The following ABCC4 variants were observed in gnomAD, a reference collection of about 807,000 sequenced individuals.
The protein encoded by ABCC4 is ATP-binding cassette sub-family C member 4.
A neutral mutation model predicts 168.5 loss-of-function variants in ABCC4; 102 were observed. The observed-to-expected ratio is 0.61, with a 90% CI of 0.52 to 0.71. ABCC4 has a LOEUF of 0.71. Among genes scored for constraint, ABCC4 ranks in the 30% least tolerant of loss-of-function variants. ABCC4 has a pLI of 0.00. For synonymous variants in ABCC4, 617 were observed against 590.7 expected (o/e 1.04, Z -0.65); for missense variants, 1,402 against 1,605.8 (o/e 0.87, Z 2.17).
intron 19 of ABCC4, among the ~76,000 whole-genome samples, chr13:95,132,984 G>C: frequency 6.6e-6 from 1 of 152,016 alleles, no homozygotes. Context: ...AAGTTCAGGA[G>C]ATGGAGGATG....
chr13:95,270,982 C>A (rs1255292555), intron 1 of ABCC4, among the ~76,000 whole-genome samples: 2 of 152,136 alleles, frequency 1.3e-5, no homozygotes, highest in African/African-American at 4.8e-5. Flanking sequence ...GTAGTCCCAG[C>A]TACTCGGGAG....
intron 8 of ABCC4, among the ~76,000 whole-genome samples, chr13:95,201,882 A>G (rs2038637290): frequency 6.6e-6 from 1 of 152,174 alleles, no homozygotes; most frequent in South Asian, 2.1e-4. Context: ...CTGAGGCAGG[A>G]GAATTGCTTG....
intron 19 of ABCC4, among the ~76,000 whole-genome samples, chr13:95,132,876 A>G (rs1375986031): frequency 6.6e-6 from 1 of 152,082 alleles, no homozygotes; most frequent in Non-Finnish European, 1.5e-5. Context: ...TCAAACTCAG[A>G]GACAGAAAGT....
At chr13:95,217,424 A>G (rs1004863532) in intron 4 of ABCC4, among the ~76,000 whole-genome samples, 1 of 152,016 alleles carries the variant, frequency 6.6e-6, no homozygotes, top group Non-Finnish European at 1.5e-5. Context: ...CCCCCTCTCT[A>G]ATAGTCCTTT....
chr13:95,275,923 T>C (rs1022814924), intron 1 of ABCC4, among the ~76,000 whole-genome samples: 7 of 152,158 alleles, frequency 4.6e-5, no homozygotes, highest in African/African-American at 1.7e-4. Flanking sequence ...TTTAGGAAAA[T>C]TCCAGCTGAA....
intron 1 of ABCC4, among the ~76,000 whole-genome samples, chr13:95,282,204 C>G (rs546629874): frequency 1.1e-4 from 17 of 152,114 alleles, no homozygotes; most frequent in African/African-American, 4.1e-4. Flanking sequence ...GATCAGGACT[C>G]CAACATGCGA....
intron 19 of ABCC4, among the ~76,000 whole-genome samples, chr13:95,138,484 A>G (rs1478120311): frequency 6.6e-6 from 1 of 152,188 alleles, no homozygotes; most frequent in Non-Finnish European, 1.5e-5. Context: ...ACTAAGTGTC[A>G]GATAGTTACA....
At chr13:95,132,775 T>C (rs543535643) in intron 19 of ABCC4, among the ~76,000 whole-genome samples, 121 of 152,224 alleles carry the variant, frequency 7.9e-4, no homozygotes, top group Non-Finnish European at 1.3e-3. Flanking sequence ...ACAACATAGA[T>C]GAACCATAAG....
intron 8 of ABCC4, among the ~76,000 whole-genome samples, chr13:95,196,635 A>G (rs866484236): frequency 0.019 from 173 of 8,904 alleles, 3 homozygotes; most frequent in East Asian, 0.035. Flanking sequence ...GAAGGAAGGA[A>G]GGAAGGAAGG....
chr13:95,042,017 C>T (rs181346322), intron 29 of ABCC4, among the ~76,000 whole-genome samples: 13 of 152,302 alleles, frequency 8.5e-5, no homozygotes, highest in African/African-American at 3.1e-4. Context: ...CTGATGACCT[C>T]GTGGCCAGGG....
chr13:95,246,120 C>T (rs1179505711), intron 3 of ABCC4, among the ~76,000 whole-genome samples: 1 of 152,158 alleles, frequency 6.6e-6, no homozygotes, highest in South Asian at 2.1e-4. Flanking sequence ...TGTCTTTCTG[C>T]AGATCTCAAG....
intron 7 of ABCC4, among the ~76,000 whole-genome samples, chr13:95,207,537 G>T (rs1363049639): frequency 6.6e-6 from 1 of 152,118 alleles, no homozygotes; most frequent in Non-Finnish European, 1.5e-5. Flanking sequence ...GTTGGGATTT[G>T]GGATATTCAG....
chr13:95,084,616 A>T (rs983924144), intron 20 of ABCC4, among the ~76,000 whole-genome samples: 1 of 152,154 alleles, frequency 6.6e-6, no homozygotes, highest in Non-Finnish European at 1.5e-5. Flanking sequence ...TAACAAGAAA[A>T]CAAGTCAAAA....
chr13:95,095,605 A>C lies in ABCC4; in HGVS notation c.2536-12315T>G, dbSNP rs547137186. Reference sequence around the variant, plus strand: ...TGGTGCAGTGTACACTGCTTGGGTGATGGGTGCACCAAAATCTCTCAAATC... The same window carrying C: ...TGGTGCAGTGTACACTGCTTGGGTGCTGGGTGCACCAAAATCTCTCAAATC... On this transcript the variant is annotated intron_variant, in intron 20 of 30. Transcript: ENST00000645237. Among the ~76,000 whole-genome samples, 9 of 152,246 alleles carry C rather than the reference A, an allele frequency of 5.9e-5. No homozygotes were observed. In the South Asian group the frequency reaches 1.9e-3, roughly 32 times the overall value.
chr13:95,176,223 C>CGGGGGGGGGG (rs1491246023), intron 13 of ABCC4, among the ~76,000 whole-genome samples: 1 of 10,578 alleles, frequency 9.5e-5, no homozygotes. Context: ...AAGCCGAGGG[C>CGGGGGGGGGG]AGGGGGGGGG....
chr13:95,210,259 G>A (rs993421837), intron 5 of ABCC4, among the ~76,000 whole-genome samples: 7 of 152,176 alleles, frequency 4.6e-5, no homozygotes, highest in Non-Finnish European at 7.3e-5. Flanking sequence ...AGCGAGAATC[G>A]CTTGAGGCCA....
In ABCC4 at chr13:95,116,974, C is replaced by CA. The variant is rs879854475; in HGVS notation, c.2456-974dup. Among the ~76,000 whole-genome samples the CA allele has an allele frequency of 2.0e-5, 3 of 152,244 alleles. No homozygotes were observed. The East Asian group carries it at 5.8e-4, about 29-fold the overall frequency. On this transcript the variant is annotated intron_variant, in intron 19 of 30. Coordinates refer to ENST00000645237, the MANE Select transcript of ABCC4 (RefSeq NM_005845.5). The stretch of plus-strand genomic sequence containing the variant: ...GTCCTGGGGCCTTTATACCAGGCTG[C>CA]AAGTGGACCATGAATGGTCAGAGGC...
chr13:95,252,974 C>A (rs927223032), intron 1 of ABCC4, among the ~76,000 whole-genome samples: 1 of 152,200 alleles, frequency 6.6e-6, no homozygotes, highest in African/African-American at 2.4e-5. Context: ...TAAACAGTAT[C>A]TGCTGTCTGG....
chr13:95,026,741 T>G (rs1223386452), intron 30 of ABCC4, among the ~76,000 whole-genome samples: 1 of 151,976 alleles, frequency 6.6e-6, no homozygotes, highest in East Asian at 1.9e-4. Flanking sequence ...GAAAAAAAAT[T>G]AGCCAGGTAT....
Sources: allele counts gnomAD v4.1 joint callset (sites outside exome capture counted in the v4.1 genomes callset), GRCh38; gene constraint gnomAD v4.1.1; transcripts MANE v1.5; gene names NCBI Gene and HGNC (gene_info 2026-07-23, HGNC 2026-07-21).